Variants in EYS observed in about 807,000 individuals in gnomAD.
EYS encodes protein eyes shut homolog.
In EYS, 250 loss-of-function variants were observed where a neutral mutation model predicts 282.1. The observed-to-expected ratio is 0.89, with a 90% confidence interval of 0.80 to 0.98. The LOEUF is 0.98. Ranked by LOEUF, EYS falls within the 50% of genes least tolerant of loss-of-function variation. The pLI, the probability that EYS is intolerant of heterozygous loss-of-function variation, is 0.00. For missense variants in EYS, 4,016 were observed against 3,709.0 expected, an observed-to-expected ratio of 1.08 and a Z score of -2.15; for synonymous variants, 1,355 against 1,282.9, an observed-to-expected ratio of 1.06 and a Z score of -1.20.
chr6:65,392,993 T>TA (rs1220344392), intron 7 of EYS, among the ~76,000 whole-genome samples: 2 of 152,124 alleles, frequency 1.3e-5, no homozygotes, highest in East Asian at 3.9e-4. Flanking sequence ...TATGCAGCCA[T>TA]AAAAAATGAT....
intron 2 of EYS, among the ~76,000 whole-genome samples, chr6:65,627,533 G>T (rs1454790275): frequency 6.6e-6 from 1 of 152,168 alleles, no homozygotes; most frequent in African/African-American, 2.4e-5. Flanking sequence ...GGAGGGAGAG[G>T]TGCGAGCAGG....
intron 41 of EYS, among the ~76,000 whole-genome samples, chr6:63,734,383 G>GA (rs1445584225): frequency 6.6e-6 from 1 of 152,156 alleles, no homozygotes; most frequent in Non-Finnish European, 1.5e-5. Flanking sequence ...AATGAGATGG[G>GA]AAATCATTGG....
intron 12 of EYS, among the ~76,000 whole-genome samples, chr6:65,171,142 C>T (rs1258342925): frequency 1.3e-5 from 2 of 151,508 alleles, no homozygotes; most frequent in Non-Finnish European, 3.0e-5. Flanking sequence ...TAGTTATAGG[C>T]AGCTTTAGGA....
chr6:64,810,999 C>A (rs1275565932), intron 22 of EYS, among the ~76,000 whole-genome samples: 1 of 152,014 alleles, frequency 6.6e-6, no homozygotes, highest in East Asian at 1.9e-4. Context: ...CAATTTTCTT[C>A]TTTAAATATC....
intron 11 of EYS, among the ~76,000 whole-genome samples, chr6:65,313,086 G>A (rs978256965): frequency 6.6e-6 from 1 of 152,090 alleles, no homozygotes; most frequent in African/African-American, 2.4e-5. Context: ...ACCTCTTAAA[G>A]AGCATCTTGA....
intron 40 of EYS, among the ~76,000 whole-genome samples, chr6:63,766,523 C>T (rs932315895): frequency 1.1e-4 from 17 of 151,898 alleles, no homozygotes; most frequent in Non-Finnish European, 2.4e-4. Context: ...TGTGGGGATG[C>T]AGAGGTTGAA....
intron 19 of EYS, among the ~76,000 whole-genome samples, chr6:64,867,253 C>G (rs923109730): frequency 2.6e-5 from 4 of 151,506 alleles, no homozygotes; most frequent in African/African-American, 9.7e-5. Flanking sequence ...TAGTTTTCTA[C>G]AGATGAATTA....
intron 31 of EYS, among the ~76,000 whole-genome samples, chr6:64,227,211 A>T (rs1766276971): frequency 6.6e-6 from 1 of 152,114 alleles, no homozygotes; most frequent in South Asian, 2.1e-4. Flanking sequence ...CTCAGACACA[A>T]TTTTTTGGGC....
At chr6:65,498,650 A>G (rs1766337021) in intron 2 of EYS, among the ~76,000 whole-genome samples, 1 of 151,938 alleles carries the variant, frequency 6.6e-6, no homozygotes, top group African/African-American at 2.4e-5. Context: ...AAATGAAAAT[A>G]GCAGCAAAGG....
At chr6:64,776,973 C>T (rs1226627142) in intron 22 of EYS, among the ~76,000 whole-genome samples, 3 of 152,072 alleles carry the variant, frequency 2.0e-5, no homozygotes, top group Admixed American at 1.3e-4. Context: ...GGCATGGCTG[C>T]GGAGGCCTCA....
chr6:64,368,672 A>G (rs903697788), intron 29 of EYS, among the ~76,000 whole-genome samples: 3 of 151,854 alleles, frequency 2.0e-5, no homozygotes, highest in Admixed American at 2.0e-4. Flanking sequence ...GATTTTGAGC[A>G]TTTTTCATAT....
intron 35 of EYS, among the ~76,000 whole-genome samples, chr6:63,888,185 G>T (rs992746617): frequency 1.3e-5 from 2 of 152,244 alleles, no homozygotes; most frequent in Non-Finnish European, 2.9e-5. Context: ...ACAGAGCACT[G>T]GGGGAAGGGG....
chr6:63,983,529 C>G (rs1198952059), intron 35 of EYS, among the ~76,000 whole-genome samples: 3 of 151,668 alleles, frequency 2.0e-5, no homozygotes, highest in South Asian at 2.1e-4. Context: ...TAAAATTTCT[C>G]TCTTTTCTAC....
At chr6:65,057,777 T>TATCA in intron 12 of EYS, 50 bp from the exon 13 acceptor site, 1 of 1,221,240 alleles carries the variant, frequency 8.2e-7, no homozygotes, top group Non-Finnish European at 1.2e-6. Flanking sequence ...GACAGGCATG[T>TATCA]ATCAAGTCGT....
intron 26 of EYS, among the ~76,000 whole-genome samples, chr6:64,536,731 C>A (rs1422973010): frequency 6.6e-6 from 1 of 151,686 alleles, no homozygotes; most frequent in African/African-American, 2.4e-5. Context: ...AGATAAATAG[C>A]ATTTACCATT....
chr6:64,080,097 T>C (rs2047861256), intron 32 of EYS, among the ~76,000 whole-genome samples: 2 of 152,206 alleles, frequency 1.3e-5, no homozygotes, highest in East Asian at 3.9e-4. Context: ...ATGGGATGGC[T>C]GGGTCAAATG....
At chr6:63,834,933 T>G (rs2149693987) in intron 36 of EYS, among the ~76,000 whole-genome samples, 1 of 151,788 alleles carries the variant, frequency 6.6e-6, no homozygotes, top group Admixed American at 6.6e-5. Flanking sequence ...ACCATCATTC[T>G]GAACACACTA....
intron 2 of EYS, among the ~76,000 whole-genome samples, chr6:65,600,412 AC>A (rs1372858519): frequency 2.6e-5 from 4 of 152,038 alleles, no homozygotes; most frequent in African/African-American, 9.7e-5. Context: ...TATGTAACAT[AC>A]CTCATGGATA....
intron 5 of EYS, among the ~76,000 whole-genome samples, chr6:65,454,564 TAA>T (rs202241474): frequency 1.4e-5 from 2 of 146,860 alleles, no homozygotes; most frequent in East Asian, 2.0e-4. Flanking sequence ...AGGTTTTATT[TAA>T]AAAAAAAAAA....
Sources: allele counts gnomAD v4.1 joint callset (sites outside exome capture counted in the v4.1 genomes callset), GRCh38; gene constraint gnomAD v4.1.1; transcripts MANE v1.5; gene names NCBI Gene and HGNC (gene_info 2026-07-23, HGNC 2026-07-21).